Variants in FOXN1 observed in about 807,000 individuals in gnomAD.
FOXN1 encodes forkhead box protein N1.
Under a neutral mutation model 49.0 loss-of-function variants are expected in FOXN1, and 15 were observed. The observed-to-expected ratio is 0.31, with a 90% CI of 0.20 to 0.47. FOXN1 has a LOEUF of 0.47. Ranked by LOEUF, FOXN1 falls within the 20% of genes least tolerant of loss-of-function variation. The pLI, the probability that FOXN1 is intolerant of heterozygous loss-of-function variation, is 1.00. For synonymous variants in FOXN1, 356 were observed against 369.0 expected (o/e 0.96, Z 0.40); for missense variants, 800 against 842.8 (o/e 0.95, Z 0.63).
At chr17:28,531,371 G>A (rs1199622847) in intron 6 of FOXN1, among the ~76,000 whole-genome samples, 2 of 152,062 alleles carry the variant, frequency 1.3e-5, no homozygotes, top group Non-Finnish European at 2.9e-5. Flanking sequence ...GTCTTTGAGT[G>A]TCCCAGGCTG....
intron 1 of FOXN1, among the ~76,000 whole-genome samples, chr17:28,518,380 C>T (rs1441896133): frequency 6.6e-6 from 1 of 152,218 alleles, no homozygotes; most frequent in African/African-American, 2.4e-5. Flanking sequence ...TCCTGGCTTC[C>T]ACTCCTAAAC....
chr17:28,526,454 C>A (rs548733951), intron 3 of FOXN1, among the ~76,000 whole-genome samples: 1 of 152,344 alleles, frequency 6.6e-6, no homozygotes, highest in East Asian at 1.9e-4. Flanking sequence ...CCTTCCGGGG[C>A]CTAGCTGCAC....
At chr17:28,507,734 C>T (rs2069294759) in intron 1 of FOXN1, among the ~76,000 whole-genome samples, 1 of 152,196 alleles carries the variant, frequency 6.6e-6, no homozygotes, top group African/African-American at 2.4e-5. Context: ...GCAGTCCTGT[C>T]CCCACCGGGC....
Position 28,524,381 on chromosome 17 carries a change from T to C in FOXN1, c.124-122T>C. On this transcript the variant is annotated intron_variant, in intron 2 of 8. Coordinates refer to ENST00000579795, the MANE Select transcript of FOXN1 (RefSeq NM_001369369.1). ...AGGGTAGGCTATTTCTTCTCCACCATTTAGGGTCTTCCCAGAGCTCAGCCA... is the reference window on the plus strand; with the variant it reads ...AGGGTAGGCTATTTCTTCTCCACCACTTAGGGTCTTCCCAGAGCTCAGCCA... 3 of 917,002 alleles carry C rather than the reference T, an allele frequency of 3.3e-6. 1 individual carries two copies. The South Asian group carries it at 4.2e-5, about 13-fold the overall frequency. 56.8% of individuals were successfully genotyped at this position (917,002 alleles called of 1,614,324 possible).
intron 1 of FOXN1, among the ~76,000 whole-genome samples, chr17:28,519,554 G>T (rs1443345474): frequency 6.6e-6 from 1 of 152,064 alleles, no homozygotes; most frequent in Non-Finnish European, 1.5e-5. Context: ...CTCCTGTGCT[G>T]GTATTTGCTG....
intron 5 of FOXN1, among the ~76,000 whole-genome samples, chr17:28,529,656 A>T (rs1296452555): frequency 1.3e-5 from 2 of 152,210 alleles, no homozygotes; most frequent in Non-Finnish European, 2.9e-5. Flanking sequence ...CATCTGCCAG[A>T]TCTGGTGGGA....
chr17:28,532,955 G>A (rs1199181803), intron 6 of FOXN1, among the ~76,000 whole-genome samples: 1 of 152,198 alleles, frequency 6.6e-6, no homozygotes, highest in Non-Finnish European at 1.5e-5. Flanking sequence ...GGAGTCGAAG[G>A]TGAATCCCTA....
rs1490674730 is a variant in FOXN1, at chr17:28,538,539, A to G, written c.*1103A>G. The stretch of plus-strand genomic sequence containing the variant: ...GGGTTTCTCCGGATGTAGCCCCATC[A>G]TAAGTTGAGGAGCACCTGTTAGTTA... On this transcript the variant is annotated 3_prime_UTR_variant, in exon 9 of 9. Transcript: ENST00000579795. 1 of 152,220 alleles carries G rather than the reference A, an allele frequency of 6.6e-6. No individual in the cohort carries two copies. Among genetic ancestry groups the G allele is most frequent in the African/African-American group, 2.4e-5 (1 of 41,452 alleles). The allele number at this position is 152,220 out of a possible 1,614,324, so 9.4% of individuals were successfully genotyped here. A position where few individuals can be genotyped will look rare whatever the true frequency, so the allele number is the denominator to read the frequency against.
intron 1 of FOXN1, among the ~76,000 whole-genome samples, chr17:28,519,261 G>A (rs1320755993): frequency 1.3e-5 from 2 of 152,014 alleles, no homozygotes; most frequent in Non-Finnish European, 2.9e-5. Context: ...AGCCCAGGAG[G>A]TCGAGGCTGC....
chr17:28,524,514 C>T lies in FOXN1; in HGVS notation c.135C>T (p.Gly45=). 6.2e-7 allele frequency: 1 copy of T among 1,613,760 alleles called. No individual in the cohort carries two copies. Among genetic ancestry groups the T allele is most frequent in the Non-Finnish European group, 8.5e-7 (1 of 1,179,988 alleles). The part of the protein sequence containing the change: ...GSPAPQSKHA[G]FSCSSFVSDG... ...CTCTGTCTACCCAGAAGCATGCCGGCTTCAGCTGCTCGTCATTTGTGTCCG... is the reference window on the plus strand; with the variant it reads ...CTCTGTCTACCCAGAAGCATGCCGGTTTCAGCTGCTCGTCATTTGTGTCCG... Residue 45 remains glycine, a synonymous_variant, in exon 3 of 9, where the codon GGC becomes GGT. Coordinates refer to ENST00000579795, the MANE Select transcript of FOXN1 (RefSeq NM_001369369.1).
At chr17:28,529,005 C>T in intron 4 of FOXN1, 89 bp from the exon 5 acceptor site, 2 of 1,561,058 alleles carry the variant, frequency 1.3e-6, no homozygotes, top group Non-Finnish European at 1.8e-6. Flanking sequence ...GCCTGAGCCC[C>T]TTCTCTGGAT....
At chr17:28,523,792 TTCTCTCTCTCTCTCTCTC>T (rs10527420) in intron 1 of FOXN1, 146 bp from the exon 2 acceptor site, 26,611 of 568,938 alleles carry the variant, frequency 0.047, 36 homozygotes, top group Non-Finnish European at 0.055. Flanking sequence ...CGCTCTCTGG[TTCTCTCTCTCTCTCTCTC>T]TCTCTCTCTC....
rs1422223493 is a variant in FOXN1 at position 28,523,814 on chromosome 17, C to CA, written c.-14-142_-14-141insA. 8.3e-5 allele frequency: 59 copies of CA among 711,568 alleles called. No individual in the cohort carries two copies. In the Middle Eastern group the frequency reaches 9.3e-4, roughly 11 times the overall value. The allele number at this position is 711,568 out of a possible 1,614,324, so 44.1% of individuals were successfully genotyped here. On this transcript the variant is annotated intron_variant, in intron 1 of 8. Coordinates refer to ENST00000579795, the MANE Select transcript of FOXN1 (RefSeq NM_001369369.1). ...TGGTTCTCTCTCTCTCTCTCTCTCT[C>CA]TCTCTCTCTCTCTCTCTCATCAGAT...
At chr17:28,512,189 C>G (rs1482482084) in intron 1 of FOXN1, among the ~76,000 whole-genome samples, 9 of 152,232 alleles carry the variant, frequency 5.9e-5, no homozygotes, top group African/African-American at 2.2e-4. Flanking sequence ...ACAATCTGTG[C>G]AAAAGCCTCC....
At chr17:28,522,370 C>A (rs992835765) in intron 1 of FOXN1, among the ~76,000 whole-genome samples, 1 of 152,084 alleles carries the variant, frequency 6.6e-6, no homozygotes, top group Non-Finnish European at 1.5e-5. Flanking sequence ...AGTGAGAGGC[C>A]GGGCACAGTG....
intron 5 of FOXN1, 42 bp downstream of exon 5, chr17:28,529,266 G>A (rs765870405): frequency 9.9e-6 from 16 of 1,611,420 alleles, no homozygotes; most frequent in Non-Finnish European, 1.4e-5. Context: ...GGAGGGGAGT[G>A]AGAGGGCCCC....
In FOXN1 at chr17:28,537,589, C is replaced by T. The variant is rs2070103689; in HGVS notation, c.*153C>T. Reference sequence around the variant, plus strand: ...GTGTGTGTCAGCTGGTAGCTGGGGGCGCAGAGGACATCACCTGGGGTGCTG... The same window carrying T: ...GTGTGTGTCAGCTGGTAGCTGGGGGTGCAGAGGACATCACCTGGGGTGCTG... On this transcript the variant is annotated 3_prime_UTR_variant, in exon 9 of 9. Coordinates refer to ENST00000579795, the MANE Select transcript of FOXN1 (RefSeq NM_001369369.1). 12 of 701,708 alleles carry T rather than the reference C, an allele frequency of 1.7e-5. No homozygotes were observed. Among genetic ancestry groups the T allele is most frequent in the South Asian group, 6.2e-5 (4 of 64,418 alleles). 43.5% of individuals were successfully genotyped at this position (701,708 alleles called of 1,614,324 possible).
In FOXN1 at chr17:28,537,157, C is replaced by T. The variant is rs754521890; in HGVS notation, c.1668C>T (p.Leu556=). ...AGTTGAAGGATGATAGCTTGGCCCT[C>T]GACCCCCTGGTACTGGTGACCTCAT... ...WEQLKDDSLA[L]DPLVLVTSSP... The change falls in exon 9 of 9, where the codon CTC becomes CTT. Residue 556 remains leucine, a synonymous_variant. Coordinates refer to ENST00000579795, the MANE Select transcript of FOXN1 (RefSeq NM_001369369.1). 2.3e-5 allele frequency: 37 copies of T among 1,614,070 alleles called. No homozygotes were observed. The highest frequency in any genetic ancestry group is 1.3e-4 in the East Asian group (6 of 44,880).
intron 6 of FOXN1, among the ~76,000 whole-genome samples, chr17:28,533,125 C>T (rs776785516): frequency 1.3e-5 from 2 of 152,204 alleles, no homozygotes; most frequent in Non-Finnish European, 2.9e-5. Context: ...CCCAGTTCTG[C>T]TGGGCATGAT....
Sources: gnomAD v4.1 joint callset for allele counts (sites outside exome capture counted in the v4.1 genomes callset) on GRCh38, gnomAD v4.1.1 for gene constraint, MANE v1.5 for transcripts, NCBI Gene and HGNC (gene_info 2026-07-23, HGNC 2026-07-21) for gene names.